CTNNA2: variants seen among roughly 807,000 people sequenced by gnomAD.
CTNNA2 encodes catenin alpha 2.
CTNNA2 carries 42 observed loss-of-function variants against 101.0 expected under a neutral mutation model. The observed-to-expected ratio is 0.42, with a 90% CI of 0.32 to 0.54. The LOEUF (loss-of-function observed/expected upper bound fraction) is 0.54. Ranked by LOEUF, CTNNA2 falls within the 20% of genes least tolerant of loss-of-function variation. The pLI is 0.14. For missense variants in CTNNA2, 871 were observed against 1,223.1 expected (o/e 0.71, Z 4.29); for synonymous variants, 450 against 456.4 (o/e 0.99, Z 0.18).
At chr2:79,979,921 GA>G (rs1553420195) in intron 7 of CTNNA2, among the ~76,000 whole-genome samples, 1 of 152,102 alleles carries the variant, frequency 6.6e-6, no homozygotes, top group Non-Finnish European at 1.5e-5. Flanking sequence ...ATGGTACTGA[GA>G]CATTGAAGCA....
chr2:79,947,208 G>A (rs188569447), intron 7 of CTNNA2, among the ~76,000 whole-genome samples: 220 of 152,206 alleles, frequency 1.4e-3, no homozygotes, highest in Admixed American at 2.6e-3. Context: ...ATCAATTTCA[G>A]TGGAAAATCT....
chr2:79,435,589 T>C (rs1025480103), intron 4 of CTNNA2, among the ~76,000 whole-genome samples: 2 of 152,202 alleles, frequency 1.3e-5, no homozygotes, highest in Non-Finnish European at 2.9e-5. Flanking sequence ...CCCTCTCAGA[T>C]GAAAACTCAA....
At chr2:79,591,209 A>T (rs549271788) in intron 1 of CTNNA2, among the ~76,000 whole-genome samples, 9 of 152,324 alleles carry the variant, frequency 5.9e-5, no homozygotes, top group African/African-American at 2.2e-4. Context: ...TTTAATTTTA[A>T]TGACTTCATA....
At chr2:79,989,231 A>G (rs1414621968) in intron 7 of CTNNA2, among the ~76,000 whole-genome samples, 1 of 152,190 alleles carries the variant, frequency 6.6e-6, no homozygotes, top group African/African-American at 2.4e-5. Flanking sequence ...GGAAACAAAA[A>G]TGTTGGGTCT....
At chr2:79,428,807 C>G (rs150674973) in intron 4 of CTNNA2, among the ~76,000 whole-genome samples, 1 of 152,168 alleles carries the variant, frequency 6.6e-6, no homozygotes, top group East Asian at 1.9e-4. Context: ...TATTAACAGT[C>G]CCAATAGACA....
chr2:79,384,070 T>G (rs1484234916), intron 4 of CTNNA2, among the ~76,000 whole-genome samples: 1 of 152,106 alleles, frequency 6.6e-6, no homozygotes, highest in African/African-American at 2.4e-5. Context: ...TGGGAAACAT[T>G]TAGCAACCAA....
chr2:80,027,253 G>C (rs960180654), intron 7 of CTNNA2, among the ~76,000 whole-genome samples: 7 of 152,190 alleles, frequency 4.6e-5, no homozygotes, highest in Non-Finnish European at 1.0e-4. Flanking sequence ...TTTCCAGTCA[G>C]AGGGTACAGC....
intron 7 of CTNNA2, among the ~76,000 whole-genome samples, chr2:80,222,549 A>C (rs1387664273): frequency 2.6e-5 from 4 of 152,202 alleles, no homozygotes; most frequent in Non-Finnish European, 5.9e-5. Flanking sequence ...TTAATGGCAA[A>C]GACAGAACTA....
intron 7 of CTNNA2, among the ~76,000 whole-genome samples, chr2:79,951,776 A>G (rs549697687): frequency 2.0e-5 from 3 of 152,310 alleles, no homozygotes; most frequent in Admixed American, 2.0e-4. Context: ...ACCCACAACT[A>G]TCAACTTTCC....
At chr2:79,194,761 A>T (rs755896201) in intron 1 of CTNNA2, among the ~76,000 whole-genome samples, 3 of 152,052 alleles carry the variant, frequency 2.0e-5, no homozygotes, top group Non-Finnish European at 4.4e-5. Context: ...TCTACTTTCC[A>T]CCTTCAGAGA....
At chr2:80,056,673 A>G (rs1396640507) in intron 7 of CTNNA2, among the ~76,000 whole-genome samples, 1 of 152,158 alleles carries the variant, frequency 6.6e-6, no homozygotes. Flanking sequence ...TTATCGCCCA[A>G]TGCAAGTGTT....
intron 9 of CTNNA2, among the ~76,000 whole-genome samples, chr2:80,484,157 G>GT (rs1686362872): frequency 1.3e-5 from 2 of 152,098 alleles, no homozygotes; most frequent in East Asian, 1.9e-4. Flanking sequence ...CCAAACATTG[G>GT]TTTTTTAATT....
At chr2:80,053,017 G>A (rs1483555563) in intron 7 of CTNNA2, among the ~76,000 whole-genome samples, 1 of 151,852 alleles carries the variant, frequency 6.6e-6, no homozygotes, top group Admixed American at 6.6e-5. Context: ...TTATGTCTTT[G>A]GTGATGCATG....
At chr2:79,852,881 C>G (rs139170861) in intron 3 of CTNNA2, among the ~76,000 whole-genome samples, 1 of 151,992 alleles carries the variant, frequency 6.6e-6, no homozygotes, top group Admixed American at 6.6e-5. Context: ...TGAGCCACCG[C>G]GCACAGCCGC....
At chr2:79,930,873 T>A (rs1687394467) in intron 7 of CTNNA2, among the ~76,000 whole-genome samples, 1 of 152,234 alleles carries the variant, frequency 6.6e-6, no homozygotes, top group East Asian at 1.9e-4. Context: ...CCTGGCTTGT[T>A]AAGAATTTTC....
intron 2 of CTNNA2, among the ~76,000 whole-genome samples, chr2:79,267,482 A>G (rs1047335055): frequency 6.6e-6 from 1 of 152,154 alleles, no homozygotes; most frequent in African/African-American, 2.4e-5. Context: ...CTAATCACCT[A>G]CGAAAGGCCC....
At chr2:80,643,568 G>T (rs1477668825) in intron 18 of CTNNA2, among the ~76,000 whole-genome samples, 1 of 152,142 alleles carries the variant, frequency 6.6e-6, no homozygotes, top group East Asian at 1.9e-4. Flanking sequence ...ACCAGGAAAA[G>T]ATGGATATGT....
At chr2:80,030,472 A>G (rs943375288) in intron 7 of CTNNA2, 1 of 152,234 alleles carries the variant, frequency 6.6e-6, no homozygotes, top group Non-Finnish European at 1.5e-5. Flanking sequence ...AGTAACAACA[A>G]GAGCTTCCAG....
At chr2:79,590,029 C>T (rs1676745955) in intron 1 of CTNNA2, among the ~76,000 whole-genome samples, 1 of 152,162 alleles carries the variant, frequency 6.6e-6, no homozygotes, top group African/African-American at 2.4e-5. Context: ...ATTAACGTTT[C>T]ACATGGTTTT....
Sources: gnomAD v4.1 joint callset for allele counts (sites outside exome capture counted in the v4.1 genomes callset) on GRCh38, gnomAD v4.1.1 for gene constraint, MANE v1.5 for transcripts, NCBI Gene and HGNC (gene_info 2026-07-23, HGNC 2026-07-21) for gene names.